CEMIP: variants seen among roughly 807,000 people sequenced by gnomAD.
CEMIP encodes cell migration inducing hyaluronidase 1, also known as cell migration-inducing and hyaluronan-binding protein.
Under a neutral mutation model 156.9 loss-of-function variants are expected in CEMIP, and 105 were observed. The observed-to-expected ratio is 0.67, with a 90% confidence interval of 0.57 to 0.79. CEMIP has a LOEUF of 0.79. CEMIP is among the 30% of genes least tolerant of loss of function. The probability of loss-of-function intolerance (pLI) is 0.00; values close to 1 mark genes in which losing one functional copy is unlikely to be tolerated. For missense variants in CEMIP, 1,457 were observed against 1,769.4 expected (o/e 0.82, Z 3.17); for synonymous variants, 676 against 668.4 (o/e 1.01, Z -0.17).
At chr15:80,833,544 C>T (rs1475053030) in intron 1 of CEMIP, among the ~76,000 whole-genome samples, 1 of 152,152 alleles carries the variant, frequency 6.6e-6, no homozygotes, top group Admixed American at 6.5e-5. Context: ...ATTACCCATC[C>T]TTCCTTTGGG....
Position 80,895,140 on chromosome 15 carries a change from G to A in CEMIP, c.1219+18G>A, listed in dbSNP as rs778899553. 46 of 1,613,836 alleles carry A rather than the reference G, an allele frequency of 2.9e-5. No individual in the cohort carries two copies. Among genetic ancestry groups the A allele is most frequent in the East Asian group, 2.5e-4 (11 of 44,890 alleles). On this transcript the variant is annotated intron_variant, in intron 11 of 29. Transcript: ENST00000394685. Reference sequence around the variant, plus strand: ...GAAGCCTGGTAAGCAGCCCCTTGTCGGGGACACAGATGCAACTATGGCTCG... The same window carrying A: ...GAAGCCTGGTAAGCAGCCCCTTGTCAGGGACACAGATGCAACTATGGCTCG...
chr15:80,946,918 T>C, intron 28 of CEMIP, 47 bp from the exon 29 acceptor site: 2 of 1,329,414 alleles, frequency 1.5e-6, no homozygotes, highest in South Asian at 2.4e-5. Context: ...GCCCACTTTC[T>C]CCAGTTTGCT....
chr15:80,807,902 TCAGGGAGCACCTGTGTGCTCCTGGA>T (rs1272245831), intron 1 of CEMIP, among the ~76,000 whole-genome samples: 33 of 152,338 alleles, frequency 2.2e-4, no homozygotes, highest in East Asian at 9.7e-4. Context: ...AGAGCATGTG[TCAGGGAGCACCTGTGTGCTCCTGGA>T]CAGGGAGCAC....
chr15:80,873,792 T>C, intron 2 of CEMIP, 72 bp from the exon 3 acceptor site: 1 of 1,081,344 alleles, frequency 9.2e-7, no homozygotes, highest in Non-Finnish European at 1.4e-6. Flanking sequence ...TCTGTTTATC[T>C]CCATGTCGGC....
intron 21 of CEMIP, among the ~76,000 whole-genome samples, chr15:80,930,891 C>T (rs1450482307): frequency 2.0e-5 from 3 of 152,162 alleles, no homozygotes; most frequent in Non-Finnish European, 4.4e-5. Flanking sequence ...GATACAGAGA[C>T]ACCAGCATAA....
intron 1 of CEMIP, among the ~76,000 whole-genome samples, chr15:80,848,149 A>G (rs1897608747): frequency 6.6e-6 from 1 of 152,242 alleles, no homozygotes; most frequent in African/African-American, 2.4e-5. Flanking sequence ...CTGGAAAAAC[A>G]TCTGAGAGAG....
chr15:80,796,745 C>G (rs765385384), intron 1 of CEMIP, among the ~76,000 whole-genome samples: 4 of 152,116 alleles, frequency 2.6e-5, no homozygotes, highest in Non-Finnish European at 5.9e-5. Context: ...AATGCAAAAC[C>G]CAGTAACTTA....
intron 27 of CEMIP, 64 bp from the exon 28 acceptor site, chr15:80,942,881 C>G: frequency 1.3e-6 from 2 of 1,599,172 alleles, no homozygotes; most frequent in Non-Finnish European, 1.7e-6. Flanking sequence ...TGGGAACCAC[C>G]TGGGCAGGAG....
chr15:80,925,810 CT>C (rs1298179997), intron 19 of CEMIP, 55 bp downstream of exon 19: 6 of 1,588,072 alleles, frequency 3.8e-6, no homozygotes, highest in Non-Finnish European at 5.1e-6. Context: ...GCGTCTTCCC[CT>C]AGCCCCCTAC....
chr15:80,944,370 C>G (rs904635005), intron 28 of CEMIP, among the ~76,000 whole-genome samples: 1 of 152,182 alleles, frequency 6.6e-6, no homozygotes. Flanking sequence ...AAGAGTGTGG[C>G]CTTCTCAATG....
chr15:80,824,157 C>T (rs1896975320), intron 1 of CEMIP, among the ~76,000 whole-genome samples: 2 of 152,144 alleles, frequency 1.3e-5, no homozygotes, highest in African/African-American at 2.4e-5. Flanking sequence ...ACTGGGGGGC[C>T]CTGGGGACGG....
chr15:80,890,522 G>A (rs1279539770), intron 10 of CEMIP, among the ~76,000 whole-genome samples: 4 of 151,514 alleles, frequency 2.6e-5, no homozygotes, highest in Non-Finnish European at 5.9e-5. Flanking sequence ...AGGAGGTGGA[G>A]GTTGTGGTGA....
At chr15:80,911,555 A>G (rs1256353202) in intron 14 of CEMIP, among the ~76,000 whole-genome samples, 1 of 132,912 alleles carries the variant, frequency 7.5e-6, no homozygotes, top group East Asian at 2.3e-4. Context: ...ACACACACAC[A>G]CCCTGGAGTG....
chr15:80,878,846 TC>T lies in CEMIP; in HGVS notation c.222del (p.Ile75SerfsTer26). The T allele has an allele frequency of 6.2e-7, 1 of 1,614,166 alleles. No individual in the cohort carries two copies. Among genetic ancestry groups the T allele is most frequent in the Non-Finnish European group, 8.5e-7 (1 of 1,180,020 alleles). On this transcript the variant is annotated frameshift_variant, in exon 4 of 30. Transcript: ENST00000394685. LOFTEE classifies it high-confidence loss of function. The stretch of plus-strand genomic sequence containing the variant: ...GCTCACCTCTTCTGCCACGGTCTAT[TC>T]CATCCACATCTCAGAGGGAGGTAAG... ...LLLTSSATVYSIHISEGGKLV... is the reference protein window; with the variant it reads ...LLLTSSATVYXIHISEGGKLV...
intron 12 of CEMIP, among the ~76,000 whole-genome samples, chr15:80,904,722 G>C (rs1899721430): frequency 6.6e-6 from 1 of 152,148 alleles, no homozygotes; most frequent in Admixed American, 6.5e-5. Context: ...AATCTGAAAA[G>C]GGCAAGGAAC....
chr15:80,948,497 A>G, intron 29 of CEMIP: 1 of 438,148 alleles, frequency 2.3e-6, no homozygotes, highest in Non-Finnish European at 4.3e-6. Flanking sequence ...GGTTCCTAGG[A>G]GGTCTCCTCC....
At chr15:80,803,962 C>T (rs1896446067) in intron 1 of CEMIP, among the ~76,000 whole-genome samples, 1 of 152,190 alleles carries the variant, frequency 6.6e-6, no homozygotes, top group Admixed American at 6.5e-5. Context: ...ACTCACAGTT[C>T]CACAGCTGGG....
chr15:80,895,852 C>G lies in CEMIP; in HGVS notation c.1220-17C>G, dbSNP rs774304121. 7 of 1,613,824 alleles carry G rather than the reference C, an allele frequency of 4.3e-6. No homozygotes were observed. The Middle Eastern group carries it at 6.6e-4, about 152-fold the overall frequency. ...AGCAAAGGGCTCTATCTCAGTCTTT[C>G]CTGTTTTGGGTTACAGTGAGGCCCA... On this transcript the variant is annotated splice_polypyrimidine_tract_variant and intron_variant, in intron 11 of 29. Transcript: ENST00000394685.
chr15:80,942,724 A>G (rs1337806664), intron 27 of CEMIP, among the ~76,000 whole-genome samples: 1 of 152,244 alleles, frequency 6.6e-6, no homozygotes, highest in Non-Finnish European at 1.5e-5. Flanking sequence ...CTATTTTCAC[A>G]TAAGCCCACT....
Sources: gnomAD v4.1 joint callset for allele counts (sites outside exome capture counted in the v4.1 genomes callset) on GRCh38, gnomAD v4.1.1 for gene constraint, MANE v1.5 for transcripts, NCBI Gene and HGNC (gene_info 2026-07-23, HGNC 2026-07-21) for gene names.